Variants in PRKCE observed in about 807,000 individuals in gnomAD.
PRKCE encodes the protein protein kinase C epsilon type.
Under a neutral mutation model 85.4 loss-of-function variants are expected in PRKCE, and 16 were observed. The observed-to-expected ratio is 0.19, with a 90% confidence interval of 0.13 to 0.28. PRKCE has a LOEUF of 0.28. Ranked by LOEUF, PRKCE falls within the 10% of genes least tolerant of loss-of-function variation. PRKCE has a pLI of 1.00. For synonymous variants in PRKCE, 388 were observed against 371.5 expected, an observed-to-expected ratio of 1.04 and a Z score of -0.51; for missense variants, 573 against 975.2, an observed-to-expected ratio of 0.59 and a Z score of 5.49.
At chr2:45,947,045 A>C (rs1700289603) in intron 2 of PRKCE, among the ~76,000 whole-genome samples, 1 of 152,210 alleles carries the variant, frequency 6.6e-6, no homozygotes, top group Admixed American at 6.5e-5. Context: ...AAACTCTCTC[A>C]ACCTCTCTCC....
chr2:46,050,170 A>G (rs1472339658), intron 10 of PRKCE, among the ~76,000 whole-genome samples: 1 of 152,226 alleles, frequency 6.6e-6, no homozygotes. Context: ...TTTCCCTGAA[A>G]TCACATTTAC....
At chr2:45,758,930 C>T (rs1418773622) in intron 1 of PRKCE, among the ~76,000 whole-genome samples, 2 of 152,096 alleles carry the variant, frequency 1.3e-5, no homozygotes, top group Non-Finnish European at 2.9e-5. Flanking sequence ...GTGGGGAGTC[C>T]GGCGTGTTGT....
chr2:46,151,277 C>T (rs1368927504), intron 13 of PRKCE, 48 bp downstream of exon 13: 1 of 1,225,594 alleles, frequency 8.2e-7, no homozygotes. Flanking sequence ...GGGCTCCTCC[C>T]CCTACACACA....
At chr2:45,675,265 G>A (rs1676378330) in intron 1 of PRKCE, 1 of 152,264 alleles carries the variant, frequency 6.6e-6, no homozygotes, top group African/African-American at 2.4e-5. Flanking sequence ...GACCCAGCGT[G>A]CCCCTTAGCA....
intron 1 of PRKCE, among the ~76,000 whole-genome samples, chr2:45,677,645 A>G (rs1380587921): frequency 6.6e-6 from 1 of 152,238 alleles, no homozygotes; most frequent in Non-Finnish European, 1.5e-5. Context: ...AAGCAGAGAA[A>G]TAACCTGATC....
intron 11 of PRKCE, among the ~76,000 whole-genome samples, chr2:46,092,579 T>C (rs1252700272): frequency 6.6e-6 from 1 of 152,164 alleles, no homozygotes; most frequent in Non-Finnish European, 1.5e-5. Context: ...GGAACAAAAA[T>C]CCAGTCAGAA....
chr2:45,694,631 G>C (rs116561347), intron 1 of PRKCE, among the ~76,000 whole-genome samples: 2,823 of 152,310 alleles, frequency 0.019, 102 homozygotes, highest in African/African-American at 0.064. Context: ...AGTCAATGTT[G>C]GTTAGAGTGG....
chr2:45,764,528 C>G (rs942054102), intron 1 of PRKCE, among the ~76,000 whole-genome samples: 6 of 152,132 alleles, frequency 3.9e-5, no homozygotes, highest in Non-Finnish European at 7.4e-5. Flanking sequence ...ATCTGCAGCT[C>G]GAATGTGTGC....
At chr2:46,067,274 A>G (rs1170454569) in intron 10 of PRKCE, among the ~76,000 whole-genome samples, 1 of 152,240 alleles carries the variant, frequency 6.6e-6, no homozygotes, top group Non-Finnish European at 1.5e-5. Flanking sequence ...CGTGCATTAT[A>G]TATACTGAGT....
rs1697456748 is a variant in PRKCE, at chr2:45,912,512, A to AT, written c.413-63915dup. Among the ~76,000 whole-genome samples, 4 of 152,168 alleles carry AT rather than the reference A, an allele frequency of 2.6e-5. No homozygotes were observed. In the South Asian group the frequency reaches 8.3e-4, roughly 32 times the overall value. The stretch of plus-strand genomic sequence containing the variant: ...TTCTGCCACACACTGCAGGGCCTTG[A>AT]TTGGGGAAGGCTGAGGCTCACAGCT... On this transcript the variant is annotated intron_variant, in intron 2 of 14. Coordinates refer to ENST00000306156, the MANE Select transcript of PRKCE (RefSeq NM_005400.3).
chr2:45,741,700 G>A (rs186542974), intron 1 of PRKCE, among the ~76,000 whole-genome samples: 161 of 152,154 alleles, frequency 1.1e-3, no homozygotes, highest in African/African-American at 3.7e-3. Context: ...TGCGGGCTGT[G>A]GTCTTGGAAG....
chr2:46,030,345 G>T (rs1707429245), intron 10 of PRKCE, among the ~76,000 whole-genome samples: 1 of 152,158 alleles, frequency 6.6e-6, no homozygotes, highest in African/African-American at 2.4e-5. Flanking sequence ...ACCCACATGG[G>T]GCACTCTGGA....
At position 46,159,545 on chromosome 2, in the gene PRKCE, C is replaced by G. The variant is rs549084918; in HGVS notation, c.1921-61C>G. ...TGCTTTGGCTGACCTCCATCTGTCC[C>G]TTATAGCCTGTGCTGGCCAGGCCTT... On this transcript the variant is annotated intron_variant, in intron 13 of 14. Transcript: ENST00000306156. This position sits in a 1 kb window ranked among gnomAD's most constrained non-coding sequence, Gnocchi z 4.1. 1.3e-6 allele frequency: 2 copies of G among 1,522,648 alleles called. No individual in the cohort carries two copies. Among genetic ancestry groups the G allele is most frequent in the Non-Finnish European group, 1.8e-6 (2 of 1,142,158 alleles). 94.3% of individuals were successfully genotyped at this position (1,522,648 alleles called of 1,614,324 possible).
chr2:45,847,554 G>GC (rs1230799684), intron 2 of PRKCE, among the ~76,000 whole-genome samples: 4 of 138,428 alleles, frequency 2.9e-5, no homozygotes, highest in African/African-American at 1.1e-4. Flanking sequence ...TTTACCAAGT[G>GC]CCCAGCAGTA....
intron 1 of PRKCE, among the ~76,000 whole-genome samples, chr2:45,702,342 C>G (rs1023322435): frequency 6.6e-6 from 1 of 152,170 alleles, no homozygotes; most frequent in Non-Finnish European, 1.5e-5. Context: ...AGTCCCAGCT[C>G]TTGGGCAAGC....
intron 11 of PRKCE, among the ~76,000 whole-genome samples, chr2:46,115,594 G>C (rs1324098733): frequency 6.6e-6 from 1 of 152,176 alleles, no homozygotes; most frequent in Admixed American, 6.5e-5. Context: ...ATGGTATCTG[G>C]CCATTGCTGC....
At chr2:45,663,781 T>TC (rs1675787569) in intron 1 of PRKCE, among the ~76,000 whole-genome samples, 1 of 150,156 alleles carries the variant, frequency 6.7e-6, no homozygotes, top group South Asian at 2.1e-4. Flanking sequence ...AGACTCCGTC[T>TC]CAAAAAAAAA....
At chr2:46,061,173 G>A (rs1315915228) in intron 10 of PRKCE, among the ~76,000 whole-genome samples, 1 of 129,764 alleles carries the variant, frequency 7.7e-6, no homozygotes, top group East Asian at 2.5e-4. Context: ...GCAGTGGCAT[G>A]ATCAGGGCTC....
chr2:45,854,848 T>C (rs1191637472), intron 2 of PRKCE, among the ~76,000 whole-genome samples: 2 of 152,210 alleles, frequency 1.3e-5, no homozygotes, highest in African/African-American at 4.8e-5. Flanking sequence ...AGAGAACTTA[T>C]TCTGTGGCTC....
Sources: allele counts gnomAD v4.1 joint callset (sites outside exome capture counted in the v4.1 genomes callset), GRCh38; gene constraint gnomAD v4.1.1; non-coding constraint Gnocchi (gnomAD v3.1); transcripts MANE v1.5; gene names NCBI Gene and HGNC (gene_info 2026-07-23, HGNC 2026-07-21).